Variants in LRRTM4 observed in about 807,000 individuals in gnomAD.
The protein encoded by LRRTM4 is leucine-rich repeat transmembrane neuronal protein 4.
A neutral mutation model predicts 47.6 loss-of-function variants in LRRTM4; 25 were observed. That is an observed-to-expected ratio of 0.53 (90% CI 0.38 to 0.73). The LOEUF is 0.73. Among genes scored for constraint, LRRTM4 ranks in the 30% least tolerant of loss-of-function variants. The pLI is 0.00. For missense variants in LRRTM4, 638 were observed against 713.4 expected (o/e 0.89, Z 1.20); for synonymous variants, 311 against 269.5 (o/e 1.15, Z -1.51).
intron 3 of LRRTM4, among the ~76,000 whole-genome samples, chr2:77,266,040 G>C (rs1301125419): frequency 6.6e-6 from 1 of 152,146 alleles, no homozygotes; most frequent in African/African-American, 2.4e-5. Context: ...ACCTGATTTT[G>C]TAAATGAAGA....
At chr2:76,815,256 T>C (rs1266017637) in intron 3 of LRRTM4, among the ~76,000 whole-genome samples, 1 of 152,122 alleles carries the variant, frequency 6.6e-6, no homozygotes, top group East Asian at 1.9e-4. Flanking sequence ...GGTAGATGTT[T>C]CTTGCTCGCC....
chr2:77,281,794 CA>C (rs956571708), intron 3 of LRRTM4, among the ~76,000 whole-genome samples: 12 of 151,660 alleles, frequency 7.9e-5, no homozygotes, highest in African/African-American at 2.9e-4. Context: ...AATAAAGTCA[CA>C]AAAATAGTCA....
At chr2:76,807,937 CTTT>C (rs1670591449) in intron 3 of LRRTM4, among the ~76,000 whole-genome samples, 2 of 126,780 alleles carry the variant, frequency 1.6e-5, no homozygotes, top group African/African-American at 6.9e-5. Context: ...CCTTTCCTTT[CTTT>C]CTTTCTTTCT....
intron 3 of LRRTM4, among the ~76,000 whole-genome samples, chr2:77,199,136 A>G (rs1673907881): frequency 6.6e-6 from 1 of 152,176 alleles, no homozygotes; most frequent in Non-Finnish European, 1.5e-5. Flanking sequence ...AGTAATCTCT[A>G]TAGGGACATT....
At chr2:77,015,912 T>C (rs562509476) in intron 3 of LRRTM4, among the ~76,000 whole-genome samples, 1 of 151,524 alleles carries the variant, frequency 6.6e-6, no homozygotes, top group Non-Finnish European at 1.5e-5. Flanking sequence ...AGGTCAGGAG[T>C]TCGAGACCAG....
chr2:76,951,621 T>C (rs1232282457), intron 3 of LRRTM4, among the ~76,000 whole-genome samples: 1 of 151,980 alleles, frequency 6.6e-6, no homozygotes, highest in African/African-American at 2.4e-5. Flanking sequence ...TAATAGATAA[T>C]TTTTTTCTTT....
chr2:76,783,556 G>C (rs1046719562), intron 3 of LRRTM4, among the ~76,000 whole-genome samples: 1 of 151,936 alleles, frequency 6.6e-6, no homozygotes, highest in African/African-American at 2.4e-5. Context: ...TCCCTCCCTG[G>C]CCCATGGCAA....
At chr2:76,911,158 C>T (rs1051062764) in intron 3 of LRRTM4, among the ~76,000 whole-genome samples, 3 of 152,018 alleles carry the variant, frequency 2.0e-5, no homozygotes, top group African/African-American at 4.8e-5. Flanking sequence ...TTGCTTTTCT[C>T]GAAAGCATGG....
intron 3 of LRRTM4, among the ~76,000 whole-genome samples, chr2:76,855,908 A>C (rs1013335629): frequency 6.6e-6 from 1 of 152,180 alleles, no homozygotes. Flanking sequence ...GGAAGTTTTT[A>C]AAATGGGGAA....
At chr2:77,306,803 T>A (rs1253106964) in intron 3 of LRRTM4, among the ~76,000 whole-genome samples, 1 of 151,890 alleles carries the variant, frequency 6.6e-6, no homozygotes, top group South Asian at 2.1e-4. Context: ...TTATAATTAA[T>A]GAGGTGAAAT....
intron 3 of LRRTM4, among the ~76,000 whole-genome samples, chr2:76,873,908 T>C (rs923178235): frequency 3.3e-5 from 5 of 151,906 alleles, no homozygotes; most frequent in Non-Finnish European, 5.9e-5. Context: ...CTCTGATTAT[T>C]TGAATCCCTT....
At chr2:77,188,475 T>C (rs1465486123) in intron 3 of LRRTM4, among the ~76,000 whole-genome samples, 2 of 152,186 alleles carry the variant, frequency 1.3e-5, no homozygotes, top group Non-Finnish European at 2.9e-5. Flanking sequence ...GTTTAAAAAA[T>C]GATTTGGTTC....
intron 3 of LRRTM4, among the ~76,000 whole-genome samples, chr2:77,477,383 T>G (rs1484078619): frequency 6.6e-6 from 1 of 152,162 alleles, no homozygotes; most frequent in Non-Finnish European, 1.5e-5. Flanking sequence ...TTTGTCAAGG[T>G]AAAGAGCTCA....
chr2:76,935,969 C>T (rs1674931813), intron 3 of LRRTM4, among the ~76,000 whole-genome samples: 1 of 152,074 alleles, frequency 6.6e-6, no homozygotes, highest in African/African-American at 2.4e-5. Context: ...GTGATATTGG[C>T]TATGAGTTTA....
intron 3 of LRRTM4, among the ~76,000 whole-genome samples, chr2:77,498,781 G>C (rs1329498766): frequency 2.0e-5 from 3 of 151,772 alleles, no homozygotes; most frequent in African/African-American, 7.3e-5. Flanking sequence ...GACTATTATT[G>C]TTTTGTCTGC....
chr2:77,095,989 T>C (rs185197431), intron 3 of LRRTM4, among the ~76,000 whole-genome samples: 113 of 152,274 alleles, frequency 7.4e-4, no homozygotes, highest in Middle Eastern at 3.4e-3. Flanking sequence ...TAATGTATTC[T>C]ATACTTCAAA....
At chr2:76,969,692 G>A (rs965079687) in intron 3 of LRRTM4, among the ~76,000 whole-genome samples, 1 of 151,916 alleles carries the variant, frequency 6.6e-6, no homozygotes, top group African/African-American at 2.4e-5. Context: ...TGATTATGAT[G>A]ACGATGATTA....
intron 3 of LRRTM4, among the ~76,000 whole-genome samples, chr2:77,245,065 T>C (rs1264052392): frequency 6.6e-6 from 1 of 152,156 alleles, no homozygotes; most frequent in East Asian, 1.9e-4. Flanking sequence ...AAACCACTAA[T>C]TTCTGGATTG....
intron 3 of LRRTM4, among the ~76,000 whole-genome samples, chr2:76,847,408 G>T (rs1024632004): frequency 1.3e-5 from 2 of 151,994 alleles, no homozygotes; most frequent in Non-Finnish European, 2.9e-5. Flanking sequence ...TCAGTTTACA[G>T]TTTTTTCATG....
Sources: allele counts gnomAD v4.1 joint callset (sites outside exome capture counted in the v4.1 genomes callset), GRCh38; gene constraint gnomAD v4.1.1; transcripts MANE v1.5; gene names NCBI Gene and HGNC (gene_info 2026-07-23, HGNC 2026-07-21).